Variants in FSTL4 observed in about 807,000 individuals in gnomAD.
FSTL4 encodes the protein follistatin-related protein 4.
A neutral mutation model predicts 78.2 loss-of-function variants in FSTL4; 28 were observed. The observed-to-expected ratio is 0.36, with a 90% CI of 0.27 to 0.49. The LOEUF is 0.49. FSTL4 is among the 20% of genes least tolerant of loss of function. FSTL4 has a pLI of 0.98. For missense variants in FSTL4, 922 were observed against 1,084.9 expected, an observed-to-expected ratio of 0.85 and a Z score of 2.11; for synonymous variants, 422 against 440.5, an observed-to-expected ratio of 0.96 and a Z score of 0.53.
At chr5:133,612,681 C>G (rs1351271738), upstream of FSTL4, 1 of 151,346 alleles carries the variant, frequency 6.6e-6, no homozygotes, top group Admixed American at 6.6e-5. The surrounding 1 kb of genome is among the most constrained non-coding windows in gnomAD (Gnocchi z 6.2). Context: ...CGGGCGCGCA[C>G]GCGGGGCGCG....
intron 3 of FSTL4, among the ~76,000 whole-genome samples, chr5:133,522,653 T>C (rs939918717): frequency 3.9e-5 from 6 of 152,248 alleles, no homozygotes; most frequent in Non-Finnish European, 5.9e-5. Flanking sequence ...TGCCACTTTT[T>C]AAATTAAGCT....
intron 4 of FSTL4, among the ~76,000 whole-genome samples, chr5:133,386,342 C>T (rs1248650686): frequency 6.6e-6 from 1 of 152,214 alleles, no homozygotes; most frequent in Non-Finnish European, 1.5e-5. Flanking sequence ...GGGGCTATAG[C>T]CACAGGAATC....
At chr5:133,831,714 T>G in the FSTL4 span, among the ~76,000 whole-genome samples, 13,047 of 152,200 alleles carry the variant, frequency 0.086, 1,201 homozygotes, top group African/African-American at 0.23. Context: ...GATGATTCAT[T>G]ATGAAGAAGT....
At chr5:133,788,064 G>A in the FSTL4 span, among the ~76,000 whole-genome samples, 11 of 152,174 alleles carry the variant, frequency 7.2e-5, no homozygotes, top group Admixed American at 6.5e-4. Flanking sequence ...AGGGCGTGTC[G>A]GAGGAGATCC....
chr5:133,512,242 C>T (rs1758750093), intron 3 of FSTL4, among the ~76,000 whole-genome samples: 1 of 152,272 alleles, frequency 6.6e-6, no homozygotes, highest in Non-Finnish European at 1.5e-5. Context: ...ACCCACCTCT[C>T]TCTCTGCCAC....
At chr5:133,251,817 C>T (rs563392759) in intron 6 of FSTL4, among the ~76,000 whole-genome samples, 1 of 152,328 alleles carries the variant, frequency 6.6e-6, no homozygotes, top group East Asian at 1.9e-4. Flanking sequence ...AGACCAAGGT[C>T]CAAAGGGAAG....
chr5:133,362,100 C>T (rs1263769879), intron 4 of FSTL4, among the ~76,000 whole-genome samples: 2 of 152,168 alleles, frequency 1.3e-5, no homozygotes, highest in Admixed American at 6.5e-5. Flanking sequence ...ATCATTATCT[C>T]GTTGCCAATG....
At chr5:133,796,198 T>C in the FSTL4 span, among the ~76,000 whole-genome samples, 1 of 152,218 alleles carries the variant, frequency 6.6e-6, no homozygotes, top group East Asian at 1.9e-4. Flanking sequence ...GCGACAGGGG[T>C]GTAGCTCACC....
chr5:133,592,980 G>A (rs1760663453), intron 2 of FSTL4, among the ~76,000 whole-genome samples: 1 of 152,188 alleles, frequency 6.6e-6, no homozygotes, highest in South Asian at 2.1e-4. Context: ...ATTGGACCAG[G>A]AAGGATACCT....
At chr5:133,648,783 C>T in the FSTL4 span, among the ~76,000 whole-genome samples, 1 of 152,144 alleles carries the variant, frequency 6.6e-6, no homozygotes, top group African/African-American at 2.4e-5. Flanking sequence ...CATACCCCCA[C>T]CTCCCACATG....
At chr5:133,786,697 G>A in the FSTL4 span, among the ~76,000 whole-genome samples, 1 of 152,156 alleles carries the variant, frequency 6.6e-6, no homozygotes, top group Non-Finnish European at 1.5e-5. Flanking sequence ...CATTGAGGGA[G>A]CAAAAAGGAC....
chr5:133,757,553 A>C, the FSTL4 span, among the ~76,000 whole-genome samples: 3 of 152,172 alleles, frequency 2.0e-5, no homozygotes, highest in African/African-American at 7.2e-5. Context: ...GAAAAGATGG[A>C]TTTGGCGTCA....
intron 6 of FSTL4, among the ~76,000 whole-genome samples, chr5:133,303,250 T>TTCTTAGCCTTTGGG (rs1371875743): frequency 1.3e-5 from 2 of 152,192 alleles, no homozygotes; most frequent in Non-Finnish European, 2.9e-5. Context: ...CTAGAAGAGG[T>TTCTTAGCCTTTGGG]GCTCCTTAGC....
At chr5:133,364,343 G>A (rs1220873124) in intron 4 of FSTL4, among the ~76,000 whole-genome samples, 1 of 152,220 alleles carries the variant, frequency 6.6e-6, no homozygotes, top group Non-Finnish European at 1.5e-5. Flanking sequence ...CTCAAGGCCT[G>A]AAACTTCAGA....
chr5:133,827,053 G>A, the FSTL4 span, among the ~76,000 whole-genome samples: 1 of 152,306 alleles, frequency 6.6e-6, no homozygotes, highest in South Asian at 2.1e-4. Flanking sequence ...GGAACTTTGT[G>A]GGTCCGTAAA....
chr5:133,282,115 G>A (rs1753023423), intron 6 of FSTL4, among the ~76,000 whole-genome samples: 1 of 152,330 alleles, frequency 6.6e-6, no homozygotes, highest in Admixed American at 6.5e-5. Flanking sequence ...CATGGGAAAT[G>A]CTTGGTGGGC....
chr5:133,531,069 C>T lies in FSTL4; in HGVS notation c.160+36117G>A, dbSNP rs183141790. On this transcript the variant is annotated intron_variant, in intron 3 of 15. Coordinates refer to ENST00000265342, the MANE Select transcript of FSTL4 (RefSeq NM_015082.2). ...TGGATAGGGCCGATATTCTTCTTTG[C>T]CGGGAGAGCGAATGCAGAAAAGGAT... Among the ~76,000 whole-genome samples the T allele has an allele frequency of 2.3e-3, 356 of 152,260 alleles. 3 individuals carry two copies. Among genetic ancestry groups the T allele is most frequent in the African/African-American group, 8.5e-3 (352 of 41,554 alleles).
Position 133,221,891 on chromosome 5 carries a change from GTTTTTTTTTTTTT to G in FSTL4, c.1340-1038_1340-1026del, listed in dbSNP as rs59400068. ...AATATGTAGAAAAATCTCTTTTCTA[GTTTTTTTTTTTTT>G]TTTTTTTTTTTTTTTTTTTTTTTAG... is the stretch of plus-strand genomic sequence containing the variant. On this transcript the variant is annotated intron_variant, in intron 11 of 15. Transcript: ENST00000265342. Among the ~76,000 whole-genome samples the G allele has an allele frequency of 4.9e-3, 214 of 43,348 alleles. 3 individuals carry two copies. The highest frequency in any genetic ancestry group is 0.013 in the Middle Eastern group (1 of 80). The allele number at this position is 43,348 out of a possible 152,430, so 28.4% of individuals were successfully genotyped here. A position where few individuals can be genotyped will look rare whatever the true frequency, so the allele number is the denominator to read the frequency against.
the FSTL4 span, among the ~76,000 whole-genome samples, chr5:133,648,805 C>T: frequency 6.6e-6 from 1 of 152,136 alleles, no homozygotes; most frequent in Non-Finnish European, 1.5e-5. Flanking sequence ...ATAACCTCTC[C>T]TACAATCAGC....
Sources: gnomAD v4.1 joint callset for allele counts (sites outside exome capture counted in the v4.1 genomes callset) on GRCh38, gnomAD v4.1.1 for gene constraint, Gnocchi (gnomAD v3.1) non-coding constraint, MANE v1.5 for transcripts, NCBI Gene and HGNC (gene_info 2026-07-23, HGNC 2026-07-21) for gene names.